The following GALNT13 variants were observed in gnomAD, a reference collection of about 807,000 sequenced individuals.
GALNT13 encodes the protein UDP-GalNAc:polypeptide N-acetylgalactosaminyltransferase 13.
Under a neutral mutation model 64.2 loss-of-function variants are expected in GALNT13, and 28 were observed. The observed-to-expected ratio is 0.44, with a 90% CI of 0.32 to 0.60. The LOEUF (loss-of-function observed/expected upper bound fraction) is 0.60. Among genes scored for constraint, GALNT13 ranks in the 20% least tolerant of loss-of-function variants. The probability of loss-of-function intolerance (pLI) is 0.05; values close to 1 mark genes in which losing one functional copy is unlikely to be tolerated. For synonymous variants in GALNT13, 214 were observed against 224.6 expected, an observed-to-expected ratio of 0.95 and a Z score of 0.42; for missense variants, 577 against 669.8, an observed-to-expected ratio of 0.86 and a Z score of 1.53.
the GALNT13 span, among the ~76,000 whole-genome samples, chr2:153,073,107 G>T: frequency 2.0e-5 from 3 of 152,080 alleles, no homozygotes; most frequent in African/African-American, 7.2e-5. Context: ...TCATAAGTAG[G>T]TTACGCGCTT....
chr2:153,293,696 T>C, the GALNT13 span, among the ~76,000 whole-genome samples: 1 of 152,148 alleles, frequency 6.6e-6, no homozygotes, highest in Non-Finnish European at 1.5e-5. Flanking sequence ...TGTTGAAACA[T>C]AGTAGAGTTA....
chr2:154,188,582 CA>C (rs1476264476), intron 4 of GALNT13, among the ~76,000 whole-genome samples: 1 of 151,828 alleles, frequency 6.6e-6, no homozygotes, highest in East Asian at 1.9e-4. Context: ...AATGTTAAAG[CA>C]AAAAAGATAA....
At chr2:153,115,536 G>T in the GALNT13 span, among the ~76,000 whole-genome samples, 7 of 151,962 alleles carry the variant, frequency 4.6e-5, no homozygotes, top group Non-Finnish European at 1.0e-4. Context: ...GATCATTGTC[G>T]GTATTTCCTT....
intron 4 of GALNT13, among the ~76,000 whole-genome samples, chr2:154,164,921 C>T (rs1233863933): frequency 4.6e-5 from 7 of 152,018 alleles, no homozygotes; most frequent in African/African-American, 1.7e-4. Flanking sequence ...TTCTTTCCCC[C>T]TTTAATACAT....
chr2:154,354,659 C>T (rs568123465), intron 9 of GALNT13, among the ~76,000 whole-genome samples: 8 of 151,490 alleles, frequency 5.3e-5, no homozygotes, highest in Admixed American at 1.3e-4. Flanking sequence ...CTGCAAGCAC[C>T]GTTTATCGAA....
At chr2:153,283,360 G>C in the GALNT13 span, among the ~76,000 whole-genome samples, 1 of 152,210 alleles carries the variant, frequency 6.6e-6, no homozygotes, top group South Asian at 2.1e-4. Flanking sequence ...GATACCTGGA[G>C]ATCTGCCTTA....
chr2:154,184,516 T>C (rs927568053), intron 4 of GALNT13, among the ~76,000 whole-genome samples: 1 of 152,200 alleles, frequency 6.6e-6, no homozygotes, highest in Non-Finnish European at 1.5e-5. Context: ...CATAGTGATA[T>C]ACTTTGTTTC....
intron 9 of GALNT13, among the ~76,000 whole-genome samples, chr2:154,370,894 G>C (rs1197483477): frequency 6.6e-6 from 1 of 152,076 alleles, no homozygotes; most frequent in Non-Finnish European, 1.5e-5. Context: ...TCAGAATTAA[G>C]TCTCAGGGCA....
chr2:154,358,300 T>C (rs1010399952), intron 9 of GALNT13, among the ~76,000 whole-genome samples: 1 of 152,094 alleles, frequency 6.6e-6, no homozygotes, highest in African/African-American at 2.4e-5. Context: ...AGGTGATATA[T>C]TTTAGGTGAA....
the GALNT13 span, among the ~76,000 whole-genome samples, chr2:153,218,413 C>T: frequency 1.8e-4 from 27 of 152,090 alleles, no homozygotes; most frequent in Admixed American, 3.3e-4. Flanking sequence ...TCCTCTTAGT[C>T]GTTAAGAGGT....
At chr2:153,284,096 T>C in the GALNT13 span, among the ~76,000 whole-genome samples, 1 of 152,214 alleles carries the variant, frequency 6.6e-6, no homozygotes, top group Non-Finnish European at 1.5e-5. Context: ...CTCAGACTGC[T>C]GATTCAGACC....
intron 11 of GALNT13, among the ~76,000 whole-genome samples, chr2:154,420,081 G>A (rs1018737558): frequency 6.6e-6 from 1 of 152,038 alleles, no homozygotes; most frequent in African/African-American, 2.4e-5. Flanking sequence ...CACAGTAAGT[G>A]TATAAAGCAG....
chr2:154,322,808 G>A (rs1574085732), intron 9 of GALNT13, among the ~76,000 whole-genome samples: 3 of 152,092 alleles, frequency 2.0e-5, no homozygotes, highest in South Asian at 2.1e-4. Flanking sequence ...TTTCTCTCCC[G>A]AAGCCATTGA....
At chr2:153,258,285 C>T in the GALNT13 span, among the ~76,000 whole-genome samples, 1 of 152,054 alleles carries the variant, frequency 6.6e-6, no homozygotes, top group African/African-American at 2.4e-5. Flanking sequence ...GTGGCTTCCC[C>T]CCACCCACCA....
chr2:153,644,854 C>A, the GALNT13 span, among the ~76,000 whole-genome samples: 2 of 152,202 alleles, frequency 1.3e-5, no homozygotes, highest in Admixed American at 6.6e-5. Flanking sequence ...TCTTCTTTGG[C>A]TTTTTATATT....
At position 153,871,982 on chromosome 2, in the gene GALNT13, G is replaced by C. The variant is rs1685976589; in HGVS notation, c.-498G>C. The C allele has an allele frequency of 2.0e-5, 3 of 152,238 alleles. No homozygotes were observed. Among genetic ancestry groups the C allele is most frequent in the African/African-American group, 7.2e-5 (3 of 41,436 alleles). The allele number at this position is 152,238 out of a possible 1,614,324, so 9.4% of individuals were successfully genotyped here. A position where few individuals can be genotyped will look rare whatever the true frequency, so the allele number is the denominator to read the frequency against. On this transcript the variant is annotated 5_prime_UTR_variant, in exon 1 of 13. Transcript: ENST00000392825. Reference sequence around the variant, plus strand: ...TGCTAGCAGCCCTCGCTCGCTCTGGGCGCCTCCTCGGCCTCAGCGTCCGCT... The same window carrying C: ...TGCTAGCAGCCCTCGCTCGCTCTGGCCGCCTCCTCGGCCTCAGCGTCCGCT...
the GALNT13 span, among the ~76,000 whole-genome samples, chr2:153,689,580 A>G: frequency 6.6e-6 from 1 of 152,104 alleles, no homozygotes; most frequent in Non-Finnish European, 1.5e-5. Flanking sequence ...ATTTAAATCT[A>G]TAACACTATG....
rs572645043 is a variant in GALNT13, at chr2:154,074,958, A to G, written c.143-65379A>G. Among the ~76,000 whole-genome samples the G allele has an allele frequency of 8.5e-5, 13 of 152,066 alleles. No homozygotes were observed. In the South Asian group the frequency reaches 2.7e-3, roughly 31 times the overall value. ...CGGCCAACATCATACTGAATGGGCA[A>G]AAGCTGAAAACGTTCCCCTTGAGAC... On this transcript the variant is annotated intron_variant, in intron 3 of 12. Transcript: ENST00000392825.
intron 4 of GALNT13, among the ~76,000 whole-genome samples, chr2:154,218,945 A>C (rs1006790858): frequency 1.3e-5 from 2 of 151,966 alleles, no homozygotes; most frequent in African/African-American, 2.4e-5. Flanking sequence ...TGTGCCCTAC[A>C]GTTATGCCTA....
Sources: gnomAD v4.1 joint callset for allele counts (sites outside exome capture counted in the v4.1 genomes callset) on GRCh38, gnomAD v4.1.1 for gene constraint, MANE v1.5 for transcripts, NCBI Gene and HGNC (gene_info 2026-07-23, HGNC 2026-07-21) for gene names.